The following NFASC variants were observed in gnomAD, a reference collection of about 807,000 sequenced individuals.
NFASC encodes neurofascin homolog.
In NFASC, 43 loss-of-function variants were observed where a neutral mutation model predicts 147.5. The ratio of observed to expected loss-of-function variants is 0.29; its 90% CI spans 0.23 to 0.38. NFASC has a LOEUF of 0.38. Ranked by LOEUF, NFASC falls within the 10% of genes least tolerant of loss-of-function variation. NFASC has a pLI of 1.00. For missense variants in NFASC, 1,320 were observed against 1,689.0 expected, an observed-to-expected ratio of 0.78 and a Z score of 3.83; for synonymous variants, 622 against 665.5, an observed-to-expected ratio of 0.93 and a Z score of 1.01.
At chr1:205,014,641 T>C (rs2096313449) in intron 29 of NFASC, among the ~76,000 whole-genome samples, 1 of 152,188 alleles carries the variant, frequency 6.6e-6, no homozygotes, top group Non-Finnish European at 1.5e-5. Context: ...AGAGGTCTGT[T>C]CGGTCTGTTC....
At chr1:204,829,462 C>T (rs1228230417) in intron 1 of NFASC, among the ~76,000 whole-genome samples, 1 of 152,056 alleles carries the variant, frequency 6.6e-6, no homozygotes. Flanking sequence ...ACAGCCTGTA[C>T]CCAGCCCTCC....
Position 204,991,303 on chromosome 1 carries a change from G to T in NFASC, c.2779G>T (p.Ala927Ser), listed in dbSNP as rs769720134. 3 of 1,612,426 alleles carry T rather than the reference G, an allele frequency of 1.9e-6. No homozygotes were observed. Among genetic ancestry groups the T allele is most frequent in the Non-Finnish European group, 2.5e-6 (3 of 1,179,250 alleles). The change falls in exon 24 of 30, where the codon GCA becomes TCA. Residue 927 changes from alanine to serine, a missense_variant. Physicochemically the swap from Ala to Ser is moderately conservative, Grantham distance 99. Transcript: ENST00000339876. ...PAPPNEATPT[A>S]APPTLPPTTV... Reference sequence around the variant, plus strand: ...GCTGTGTTCTGAAGCTACTCCAACCGCAGGTACCGTACCAGCCGCGGAGGT... The same window carrying T: ...GCTGTGTTCTGAAGCTACTCCAACCTCAGGTACCGTACCAGCCGCGGAGGT...
chr1:204,887,564 T>G (rs1195135681), intron 1 of NFASC, among the ~76,000 whole-genome samples: 1 of 151,364 alleles, frequency 6.6e-6, no homozygotes, highest in Non-Finnish European at 1.5e-5. Flanking sequence ...CCATGTTTAA[T>G]TTTTTTGAGG....
In NFASC at chr1:204,975,436, C is replaced by A; in HGVS notation, c.1706+18C>A. 1 of 1,601,688 alleles carries A rather than the reference C, an allele frequency of 6.2e-7. No individual in the cohort carries two copies. Among genetic ancestry groups the A allele is most frequent in the South Asian group, 1.1e-5 (1 of 90,690 alleles). On this transcript the variant is annotated intron_variant, in intron 15 of 29. Coordinates refer to ENST00000339876, the MANE Select transcript of NFASC (RefSeq NM_001005388.3). This position sits in a 1 kb window ranked among gnomAD's most constrained non-coding sequence, Gnocchi z 4.0. ...GGAAACAGGTTTCTCTTCCCCCTTC[C>A]CCCTTCCTAGTGCTAGTTTGAGGCG...
rs1265035448 is a variant in NFASC at position 204,887,053 on chromosome 1, A to G, written c.-199-33579A>G. Reference sequence around the variant, plus strand: ...GTTGTATGGTTCTGTGATATTAAGTACATGTATGTTGCTGTGTGCATCTAC... The same window carrying G: ...GTTGTATGGTTCTGTGATATTAAGTGCATGTATGTTGCTGTGTGCATCTAC... On this transcript the variant is annotated intron_variant, in intron 1 of 29. Coordinates refer to ENST00000339876, the MANE Select transcript of NFASC (RefSeq NM_001005388.3). Among the ~76,000 whole-genome samples, 3 of 152,218 alleles carry G rather than the reference A, an allele frequency of 2.0e-5. No homozygotes were observed. The East Asian group carries it at 5.8e-4, about 29-fold the overall frequency.
intron 11 of NFASC, 81 bp from the exon 12 acceptor site, chr1:204,973,195 G>A: frequency 1.4e-5 from 21 of 1,504,306 alleles, no homozygotes; most frequent in Non-Finnish European, 1.9e-5. Flanking sequence ...GCTTGTTCCT[G>A]GGAGCCCTGG....
At position 204,976,969 on chromosome 1, in the gene NFASC, A is replaced by G. The variant is rs1274119440; in HGVS notation, c.1831+174A>G. The G allele has an allele frequency of 4.3e-6, 6 of 1,398,522 alleles. No individual in the cohort carries two copies. In the Admixed American group the frequency reaches 1.6e-4, roughly 37 times the overall value. 86.6% of individuals were successfully genotyped at this position (1,398,522 alleles called of 1,614,324 possible). ...GGGTTAGGGAGCTGCCAGTTTCAGAACAAGCTGTGCTGGACAGGTTACCTC... is the reference window on the plus strand; with the variant it reads ...GGGTTAGGGAGCTGCCAGTTTCAGAGCAAGCTGTGCTGGACAGGTTACCTC... On this transcript the variant is annotated intron_variant, in intron 16 of 29. Transcript: ENST00000339876.
At chr1:204,921,674 T>G (rs6677322) in intron 2 of NFASC, among the ~76,000 whole-genome samples, 1 of 152,132 alleles carries the variant, frequency 6.6e-6, no homozygotes, top group African/African-American at 2.4e-5. Context: ...GCTGAACCCC[T>G]CTAGGCCTCA....
At chr1:204,879,261 A>C (rs2079635719) in intron 1 of NFASC, among the ~76,000 whole-genome samples, 1 of 152,260 alleles carries the variant, frequency 6.6e-6, no homozygotes, top group Non-Finnish European at 1.5e-5. Context: ...ACAAAAAAAT[A>C]ATAGTGAATA....
At chr1:204,914,754 T>A (rs2088720847) in intron 1 of NFASC, among the ~76,000 whole-genome samples, 1 of 152,214 alleles carries the variant, frequency 6.6e-6, no homozygotes, top group Non-Finnish European at 1.5e-5. Flanking sequence ...GTATAAATTG[T>A]CACTACATTC....
At chr1:204,849,833 C>G (rs2075516280) in intron 1 of NFASC, among the ~76,000 whole-genome samples, 1 of 152,198 alleles carries the variant, frequency 6.6e-6, no homozygotes, top group South Asian at 2.1e-4. Context: ...GCCAGGAGTC[C>G]CAATCCTAAC....
At chr1:204,883,600 G>A (rs1360758577) in intron 1 of NFASC, among the ~76,000 whole-genome samples, 1 of 152,234 alleles carries the variant, frequency 6.6e-6, no homozygotes, top group Non-Finnish European at 1.5e-5. Flanking sequence ...CAGGAACCTA[G>A]CAGGCCAGAG....
In NFASC at chr1:204,860,132, C is replaced by T. The variant is rs565920774; in HGVS notation, c.-200+31350C>T. On this transcript the variant is annotated intron_variant, in intron 1 of 29. Transcript: ENST00000339876. ...ACAGCTCCTTCCCAGCCTACAGGCT[C>T]ACACCCTGATGGCCCAGGAGAGATA... Among the ~76,000 whole-genome samples the T allele has an allele frequency of 2.0e-4, 31 of 152,274 alleles. No homozygotes were observed. The South Asian group carries it at 3.7e-3, about 18-fold the overall frequency.
At chr1:204,977,562 C>T in intron 16 of NFASC, 119 bp from the exon 17 acceptor site, 1 of 840,122 alleles carries the variant, frequency 1.2e-6, no homozygotes, top group South Asian at 1.8e-5. Flanking sequence ...GACAGCCCTG[C>T]CTAGAACACC....
At chr1:204,947,370 G>T (rs2093817156) in intron 3 of NFASC, among the ~76,000 whole-genome samples, 1 of 152,184 alleles carries the variant, frequency 6.6e-6, no homozygotes, top group African/African-American at 2.4e-5. Context: ...CCAGCCCTGG[G>T]CTGAAGGAAG....
chr1:205,005,266 C>T lies in NFASC; in HGVS notation c.3289+2518C>T, dbSNP rs183803052. 2.0e-4 allele frequency among the ~76,000 whole-genome samples: 30 copies of T among 151,544 alleles called. No individual in the cohort carries two copies. In the East Asian group the frequency reaches 5.0e-3, roughly 25 times the overall value. On this transcript the variant is annotated intron_variant, in intron 27 of 29. Coordinates refer to ENST00000339876, the MANE Select transcript of NFASC (RefSeq NM_001005388.3). ...TGTTAATCTATCCCTATTTCTAGAACATAATTCTTCTGCAGACTTTGAGTG... is the reference window on the plus strand; with the variant it reads ...TGTTAATCTATCCCTATTTCTAGAATATAATTCTTCTGCAGACTTTGAGTG...
rs1463974675 is a variant in NFASC, at chr1:204,952,001, A to G, written c.110-10A>G. On this transcript the variant is annotated splice_polypyrimidine_tract_variant and intron_variant, in intron 4 of 29. Coordinates refer to ENST00000339876, the MANE Select transcript of NFASC (RefSeq NM_001005388.3). ...GCAGCCCTGACCATGCTCCCTGTGCACTGTTGCAGTGACGCAGCCGCCAAC... is the reference window on the plus strand; with the variant it reads ...GCAGCCCTGACCATGCTCCCTGTGCGCTGTTGCAGTGACGCAGCCGCCAAC... 1.9e-6 allele frequency: 3 copies of G among 1,612,546 alleles called. No individual in the cohort carries two copies. Among genetic ancestry groups the G allele is most frequent in the Non-Finnish European group, 2.5e-6 (3 of 1,178,856 alleles).
At chr1:204,957,176 A>G (rs552678031) in intron 7 of NFASC, among the ~76,000 whole-genome samples, 135 of 152,382 alleles carry the variant, frequency 8.9e-4, no homozygotes, top group South Asian at 4.3e-3. Context: ...CATTTAATTC[A>G]GCAAACTGTT....
At chr1:204,880,718 G>A (rs1346572418) in intron 1 of NFASC, among the ~76,000 whole-genome samples, 1 of 152,156 alleles carries the variant, frequency 6.6e-6, no homozygotes, top group South Asian at 2.1e-4. Flanking sequence ...AACCTCTCAA[G>A]TTCCTTCCAG....
Sources: allele counts gnomAD v4.1 joint callset (sites outside exome capture counted in the v4.1 genomes callset), GRCh38; gene constraint gnomAD v4.1.1; non-coding constraint Gnocchi (gnomAD v3.1); transcripts MANE v1.5; gene names NCBI Gene and HGNC (gene_info 2026-07-23, HGNC 2026-07-21).